Variants in PIEZO1 observed in about 807,000 individuals in gnomAD.
The protein encoded by PIEZO1 is piezo type mechanosensitive ion channel component 1 (Er blood group), also known as piezo-type mechanosensitive ion channel component 1.
PIEZO1 carries 296 observed loss-of-function variants against 297.2 expected under a neutral mutation model. That is an observed-to-expected ratio of 1.00 (90% CI 0.91 to 1.10). The LOEUF (loss-of-function observed/expected upper bound fraction) is 1.10, where lower values mean the gene tolerates loss of function less well. PIEZO1 is among the 50% of genes least tolerant of loss of function. The pLI is 0.00. For missense variants in PIEZO1, 5,018 were observed against 3,455.5 expected (o/e 1.45, Z -11.34); for synonymous variants, 2,427 against 1,507.5 (o/e 1.61, Z -14.13).
intron 2 of PIEZO1, among the ~76,000 whole-genome samples, chr16:88,748,985 C>G (rs1023058377): frequency 1.4e-5 from 2 of 146,988 alleles, no homozygotes; most frequent in Non-Finnish European, 3.0e-5. Flanking sequence ...CGTCTGTAAT[C>G]CCAGCACTTT....
rs534977664 is a variant in PIEZO1 at position 88,736,041 on chromosome 16, G to T, written c.1557+107C>A. ...CAGAAGGGGACAGACAGACACATCT[G>T]CCTTCTTGGCGCTGCCACTCCCCCG... On this transcript the variant is annotated intron_variant, in intron 12 of 50. Transcript: ENST00000301015. The T allele has an allele frequency of 6.5e-5, 74 of 1,140,914 alleles. 1 individual carries two copies. The South Asian group carries it at 1.1e-3, about 17-fold the overall frequency. The allele number at this position is 1,140,914 out of a possible 1,614,324, so 70.7% of individuals were successfully genotyped here.
intron 1 of PIEZO1, among the ~76,000 whole-genome samples, chr16:88,754,798 A>G (rs1906571679): frequency 6.6e-6 from 1 of 152,206 alleles, no homozygotes; most frequent in Non-Finnish European, 1.5e-5. Flanking sequence ...TGGTGCAGAA[A>G]GACTGCGGCC....
chr16:88,746,652 C>T (rs78579285), intron 2 of PIEZO1, among the ~76,000 whole-genome samples: 16,793 of 152,208 alleles, frequency 0.11, 1,301 homozygotes, highest in Non-Finnish European at 0.17. Context: ...TCACACTTTC[C>T]TCTCTCCCTC....
chr16:88,719,282 A>G (rs750143074), intron 44 of PIEZO1: 2 of 390,404 alleles, frequency 5.1e-6, no homozygotes, highest in Non-Finnish European at 9.5e-6. Flanking sequence ...TTAAACAAGA[A>G]TGCAGCAAAC....
intron 21 of PIEZO1, 96 bp downstream of exon 21, chr16:88,732,239 A>T: frequency 1.8e-6 from 2 of 1,103,618 alleles, no homozygotes; most frequent in South Asian, 1.5e-5. Flanking sequence ...AGGCAAACCC[A>T]GGTGGGGCCA....
chr16:88,725,900 G>A (rs1597449341), intron 27 of PIEZO1: 2 of 579,126 alleles, frequency 3.5e-6, no homozygotes, highest in Non-Finnish European at 3.1e-6. Flanking sequence ...GGGGCGTCTG[G>A]TGGCACCCAC....
At chr16:88,767,088 A>T (rs1438215306) in intron 1 of PIEZO1, among the ~76,000 whole-genome samples, 2 of 152,198 alleles carry the variant, frequency 1.3e-5, no homozygotes, top group African/African-American at 2.4e-5. Flanking sequence ...AGCTTCTCCG[A>T]TCGATTGGCT....
chr16:88,780,167 G>A (rs1339184378), intron 1 of PIEZO1, among the ~76,000 whole-genome samples: 3 of 152,176 alleles, frequency 2.0e-5, no homozygotes, highest in Non-Finnish European at 2.9e-5. Flanking sequence ...TCCCCTTCAG[G>A]TGCCTCGGCC....
At chr16:88,732,831 G>A (rs866064056) in intron 19 of PIEZO1, 99 bp from the exon 20 acceptor site, 38 of 1,187,746 alleles carry the variant, frequency 3.2e-5, no homozygotes, top group Non-Finnish European at 3.8e-5. Flanking sequence ...CAGGTCCACT[G>A]CTCCCCAGCC....
chr16:88,721,629 G>T lies in PIEZO1; in HGVS notation c.5312C>A (p.Pro1771His). 4 of 1,550,260 alleles carry T rather than the reference G, an allele frequency of 2.6e-6. No homozygotes were observed. The highest frequency in any genetic ancestry group is 3.5e-6 in the Non-Finnish European group (4 of 1,146,892). Reference sequence around the variant, plus strand: ...AGTCTTCTCCAGGCCCAGGATGCGGGGCGGGAAGTAGGGCTTGTTCTCGTA... The same window carrying T: ...AGTCTTCTCCAGGCCCAGGATGCGGTGCGGGAAGTAGGGCTTGTTCTCGTA... ...RRYENKPYFP[P>H]RILGLEKTDG... Residue 1771 changes from proline to histidine, a missense_variant, in exon 38 of 51, where the codon CCC (proline) becomes CAC (histidine). Coordinates refer to ENST00000301015, the MANE Select transcript of PIEZO1 (RefSeq NM_001142864.4).
chr16:88,757,329 G>GGGGGGA (rs1906721892), intron 1 of PIEZO1, among the ~76,000 whole-genome samples: 1 of 126,860 alleles, frequency 7.9e-6, no homozygotes, highest in African/African-American at 3.7e-5. Context: ...CGGGGGGGTG[G>GGGGGGA]GGGGTAGTTA....
At chr16:88,784,308 C>G (rs936694051) in intron 1 of PIEZO1, among the ~76,000 whole-genome samples, 8 of 152,234 alleles carry the variant, frequency 5.3e-5, no homozygotes, top group Admixed American at 2.6e-4. Flanking sequence ...AGGGAGGAAC[C>G]CACACTATTT....
At chr16:88,722,108 C>T (rs1032777455) in intron 36 of PIEZO1, 42 bp from the exon 37 acceptor site, 54 of 1,530,814 alleles carry the variant, frequency 3.5e-5, no homozygotes, top group Admixed American at 7.9e-5. Context: ...TGGGACTGCC[C>T]GAAGGCATGA....
intron 1 of PIEZO1, among the ~76,000 whole-genome samples, chr16:88,778,536 C>T (rs530951085): frequency 3.0e-4 from 45 of 152,330 alleles, no homozygotes; most frequent in African/African-American, 7.2e-4. Context: ...CCTGAGACAA[C>T]GGCGGGGAAT....
At position 88,755,482 on chromosome 16, in the gene PIEZO1, A is replaced by G. The variant is rs113287953; in HGVS notation, c.65-6003T>C. On this transcript the variant is annotated intron_variant, in intron 1 of 50. Transcript: ENST00000301015. ...CCGCCACGTTCCCAGCCACCTGCAC[A>G]TTCCTCCCAGGGCACGATACGAGCC... is the stretch of plus-strand genomic sequence containing the variant. Among the ~76,000 whole-genome samples the G allele has an allele frequency of 3.4e-3, 523 of 152,286 alleles. 5 individuals are homozygous for G. Among genetic ancestry groups the G allele is most frequent in the African/African-American group, 0.011 (448 of 41,570 alleles).
rs894769803 is a variant in PIEZO1, at chr16:88,723,342, C to T, written c.4336-14G>A. On this transcript the variant is annotated splice_polypyrimidine_tract_variant and intron_variant, in intron 31 of 50. Coordinates refer to ENST00000301015, the MANE Select transcript of PIEZO1 (RefSeq NM_001142864.4). The stretch of plus-strand genomic sequence containing the variant: ...CTGGTACGCCAGCTGTCGGCCAGCC[C>T]CCGGGTTAGGACCCGGCCTCCCGAG... The T allele has an allele frequency of 3.3e-6, 5 of 1,536,574 alleles. No homozygotes were observed. The highest frequency in any genetic ancestry group is 2.4e-5 in the South Asian group (2 of 84,006).
At chr16:88,743,812 G>C (rs1216564075) in intron 2 of PIEZO1, 3 of 376,420 alleles carry the variant, frequency 8.0e-6, no homozygotes, top group Non-Finnish European at 1.6e-5. Context: ...CACCTTCCTA[G>C]GGTTGCCCCA....
chr16:88,753,040 G>A lies in PIEZO1; in HGVS notation c.65-3561C>T, dbSNP rs573056378. Among the ~76,000 whole-genome samples, 192 of 151,478 alleles carry A rather than the reference G, an allele frequency of 1.3e-3. 2 individuals carry two copies. Among genetic ancestry groups the A allele is most frequent in the South Asian group, 8.7e-3 (42 of 4,804 alleles). ...TCACCAACAACACAGACAAGGAAAA[G>A]GCTCAGAGAGGAAGAGGGCTACTTA... On this transcript the variant is annotated intron_variant, in intron 1 of 50. Transcript: ENST00000301015.
chr16:88,762,264 G>A (rs572776966), intron 1 of PIEZO1, among the ~76,000 whole-genome samples: 22 of 152,272 alleles, frequency 1.4e-4, no homozygotes, highest in Admixed American at 7.2e-4. Context: ...GCCCCCGCTG[G>A]CCTTTGCACA....
Sources: allele counts gnomAD v4.1 joint callset (sites outside exome capture counted in the v4.1 genomes callset), GRCh38; gene constraint gnomAD v4.1.1; transcripts MANE v1.5; gene names NCBI Gene and HGNC (gene_info 2026-07-23, HGNC 2026-07-21).